Variants in HS6ST3 observed in about 807,000 individuals in gnomAD.
The protein encoded by HS6ST3 is heparan-sulfate 6-O-sulfotransferase 3.
A neutral mutation model predicts 36.7 loss-of-function variants in HS6ST3; 12 were observed. That is an observed-to-expected ratio of 0.33 (90% CI 0.21 to 0.53). The LOEUF is 0.53. Among genes scored for constraint, HS6ST3 ranks in the 20% least tolerant of loss-of-function variants. HS6ST3 has a pLI of 0.95. For missense variants in HS6ST3, 584 were observed against 640.9 expected (o/e 0.91, Z 0.96); for synonymous variants, 240 against 257.5 (o/e 0.93, Z 0.65).
intron 1 of HS6ST3, among the ~76,000 whole-genome samples, chr13:96,107,140 A>C (rs1391736561): frequency 6.6e-6 from 1 of 152,194 alleles, no homozygotes; most frequent in Admixed American, 6.5e-5. Flanking sequence ...GTTGGGTGAT[A>C]CACAATAAGA....
chr13:96,701,847 A>G (rs566887586), intron 1 of HS6ST3, among the ~76,000 whole-genome samples: 1 of 152,292 alleles, frequency 6.6e-6, no homozygotes, highest in South Asian at 2.1e-4. Context: ...CTGTGGACCC[A>G]GCTACTCAGG....
intron 1 of HS6ST3, among the ~76,000 whole-genome samples, chr13:96,650,384 C>T (rs1024778654): frequency 1.3e-5 from 2 of 151,812 alleles, no homozygotes; most frequent in Non-Finnish European, 2.9e-5. Flanking sequence ...GCAATTCATC[C>T]TTGACTTTCA....
chr13:96,618,961 A>C (rs890134262), intron 1 of HS6ST3, among the ~76,000 whole-genome samples: 16 of 152,040 alleles, frequency 1.1e-4, no homozygotes, highest in African/African-American at 3.9e-4. Flanking sequence ...CTTTTCATTT[A>C]CATTTAGCAA....
intron 1 of HS6ST3, among the ~76,000 whole-genome samples, chr13:96,578,328 C>A (rs1308190572): frequency 6.6e-6 from 1 of 152,238 alleles, no homozygotes; most frequent in Admixed American, 6.5e-5. Context: ...TGGTGGGTCT[C>A]AGGAAAAATG....
intron 1 of HS6ST3, among the ~76,000 whole-genome samples, chr13:96,596,949 T>C (rs1474037055): frequency 6.6e-6 from 1 of 152,114 alleles, no homozygotes; most frequent in Middle Eastern, 3.2e-3. Flanking sequence ...CCCTCAATGA[T>C]AGCCTAGATA....
intron 1 of HS6ST3, among the ~76,000 whole-genome samples, chr13:96,476,022 C>A (rs1490651232): frequency 6.6e-6 from 1 of 152,164 alleles, no homozygotes; most frequent in Non-Finnish European, 1.5e-5. Flanking sequence ...TGCTGAGACG[C>A]CTTGGAGGCT....
intron 1 of HS6ST3, among the ~76,000 whole-genome samples, chr13:96,163,303 C>T (rs929638584): frequency 6.8e-6 from 1 of 147,644 alleles, no homozygotes; most frequent in African/African-American, 2.5e-5. Flanking sequence ...CATCTCGGCT[C>T]ACTGCAAGCT....
At chr13:96,819,071 T>C (rs1878479098) in intron 1 of HS6ST3, among the ~76,000 whole-genome samples, 1 of 152,254 alleles carries the variant, frequency 6.6e-6, no homozygotes, top group African/African-American at 2.4e-5. Context: ...ACCCACTATT[T>C]TGAAAACTAG....
intron 1 of HS6ST3, among the ~76,000 whole-genome samples, chr13:96,100,047 G>A (rs1422374083): frequency 6.6e-6 from 1 of 152,064 alleles, no homozygotes; most frequent in Admixed American, 6.6e-5. Flanking sequence ...CATATAAAGT[G>A]TAAATTGGAA....
chr13:96,159,089 G>A (rs2139327674), intron 1 of HS6ST3, among the ~76,000 whole-genome samples: 1 of 152,300 alleles, frequency 6.6e-6, no homozygotes, highest in South Asian at 2.1e-4. Flanking sequence ...CAGGAAGGAG[G>A]GAGCAGTTGG....
intron 1 of HS6ST3, among the ~76,000 whole-genome samples, chr13:96,117,872 CT>C (rs758866628): frequency 1.1e-3 from 159 of 142,506 alleles, no homozygotes; most frequent in Middle Eastern, 3.6e-3. Flanking sequence ...TAGAATGTGA[CT>C]TTTTTTTTTT....
intron 1 of HS6ST3, among the ~76,000 whole-genome samples, chr13:96,238,010 C>A (rs2054542574): frequency 6.6e-6 from 1 of 152,190 alleles, no homozygotes. Context: ...CAGTTGCCAT[C>A]TTGACATCTT....
intron 1 of HS6ST3, among the ~76,000 whole-genome samples, chr13:96,617,964 A>G (rs1290056008): frequency 2.0e-5 from 3 of 152,210 alleles, no homozygotes; most frequent in Non-Finnish European, 4.4e-5. Context: ...AGGTAACACA[A>G]CTCAAATCTC....
intron 1 of HS6ST3, among the ~76,000 whole-genome samples, chr13:96,452,821 C>G (rs2055734731): frequency 6.6e-6 from 1 of 152,026 alleles, no homozygotes; most frequent in East Asian, 1.9e-4. Flanking sequence ...TATTTCCCCC[C>G]CAGGGTGGGT....
intron 1 of HS6ST3, among the ~76,000 whole-genome samples, chr13:96,233,452 A>G (rs2054517853): frequency 1.3e-5 from 2 of 152,232 alleles, no homozygotes; most frequent in Non-Finnish European, 1.5e-5. Context: ...TGATGAATAT[A>G]GAACATTCAT....
chr13:96,325,383 C>CTAT lies in HS6ST3; in HGVS notation c.707+233816_707+233818dup, dbSNP rs2055025446. Among the ~76,000 whole-genome samples, 4 of 152,000 alleles carry CTAT rather than the reference C, an allele frequency of 2.6e-5. No individual in the cohort carries two copies. In the South Asian group the frequency reaches 8.3e-4, roughly 32 times the overall value. ...CTTAATCTGATTATCTACAAAGACCCTATTTCCAAAACTCAGACCAAAAAT... is the reference window on the plus strand; with the variant it reads ...CTTAATCTGATTATCTACAAAGACCCTATTATTTCCAAAACTCAGACCAAAAAT... On this transcript the variant is annotated intron_variant, in intron 1 of 1. Transcript: ENST00000376705.
chr13:96,751,435 A>G (rs1362749837), intron 1 of HS6ST3, among the ~76,000 whole-genome samples: 1 of 152,092 alleles, frequency 6.6e-6, no homozygotes, highest in East Asian at 1.9e-4. Flanking sequence ...AAAGGGAGGG[A>G]CAGAATCTCA....
At chr13:96,374,610 T>G (rs896430126) in intron 1 of HS6ST3, among the ~76,000 whole-genome samples, 1 of 152,184 alleles carries the variant, frequency 6.6e-6, no homozygotes, top group Admixed American at 6.5e-5. Flanking sequence ...CTTGAGTAGC[T>G]TTCTTTAGTC....
chr13:96,826,891 G>A (rs1265433103), intron 1 of HS6ST3, among the ~76,000 whole-genome samples: 1 of 152,112 alleles, frequency 6.6e-6, no homozygotes, highest in East Asian at 1.9e-4. Flanking sequence ...ATCTTTCTCA[G>A]TACACAAGTG....
Sources: allele counts gnomAD v4.1 joint callset (sites outside exome capture counted in the v4.1 genomes callset), GRCh38; gene constraint gnomAD v4.1.1; transcripts MANE v1.5; gene names NCBI Gene and HGNC (gene_info 2026-07-23, HGNC 2026-07-21).